The following TBATA variants were observed in gnomAD, a reference collection of about 807,000 sequenced individuals.
The protein encoded by TBATA is protein TBATA.
In TBATA, 47 loss-of-function variants were observed where a neutral mutation model predicts 38.7. The ratio of observed to expected loss-of-function variants is 1.21; its 90% CI spans 0.96 to 1.55. The LOEUF (loss-of-function observed/expected upper bound fraction) is 1.55, where lower values mean the gene tolerates loss of function less well. Ranked by LOEUF, TBATA falls within the 40% of genes most tolerant of loss-of-function variation. The probability of loss-of-function intolerance (pLI) is 0.00; values close to 1 mark genes in which losing one functional copy is unlikely to be tolerated. For missense variants in TBATA, 436 were observed against 435.6 expected (o/e 1.00, Z -0.01); for synonymous variants, 183 against 170.5 (o/e 1.07, Z -0.57).
At position 70,778,604 on chromosome 10, in the gene TBATA, A is replaced by C; in HGVS notation, c.460T>G (p.Ser154Ala). The change falls in exon 6 of 11, where the codon TCC (serine) becomes GCC (alanine). Residue 154 changes from serine (S) to alanine (A), a missense_variant. Ser to Ala is a moderately conservative substitution (Grantham distance 99). Coordinates refer to ENST00000456372, the MANE Select transcript of TBATA (RefSeq NM_001318241.2). The part of the protein sequence containing the change: ...AWKKELKELA[S>A]RVAFLTKEDE... Reference sequence around the variant, plus strand: ...TCCTTGGTGAGGAAGGCCACCCGGGAAGCTAGCTCCTTCAACTCCTTCTTC... The same window carrying C: ...TCCTTGGTGAGGAAGGCCACCCGGGCAGCTAGCTCCTTCAACTCCTTCTTC... The C allele has an allele frequency of 1.2e-6, 2 of 1,614,152 alleles. No individual in the cohort carries two copies. Among genetic ancestry groups the C allele is most frequent in the Non-Finnish European group, 1.7e-6 (2 of 1,180,026 alleles).
intron 7 of TBATA, chr10:70,776,432 A>G: frequency 2.2e-6 from 1 of 456,204 alleles, no homozygotes; most frequent in Non-Finnish European, 4.4e-6. Flanking sequence ...GCTCCGTCTC[A>G]GGGGACCTGG....
intron 2 of TBATA, among the ~76,000 whole-genome samples, chr10:70,783,777 T>G (rs759499658): frequency 6.6e-6 from 1 of 152,202 alleles, no homozygotes; most frequent in Non-Finnish European, 1.5e-5. Context: ...TGAAAATAAA[T>G]GAGCCACAGC....
At chr10:70,782,321 T>A in intron 3 of TBATA, 1 of 1,451,024 alleles carries the variant, frequency 6.9e-7, no homozygotes, top group South Asian at 1.2e-5. Flanking sequence ...AGAGACCATA[T>A]CTGAAACCAG....
rs770745356 is a variant in TBATA at position 70,771,446 on chromosome 10, G to C, written c.989C>G (p.Ala330Gly). ...KSEKPEYIGE[A>G]QVLQMHSSQN... ...GCTTGAATGCATCTGGAGGACTTGA[G>C]CTTCTCCAATGTACTCTAGTGGGAG... The change falls in exon 11 of 11, where the codon GCT (alanine) becomes GGT (glycine). Residue 330 changes from alanine to glycine, a missense_variant. Ala to Gly is a moderately conservative substitution (Grantham distance 60). Transcript: ENST00000456372. The C allele has an allele frequency of 1.2e-6, 2 of 1,614,062 alleles. No individual in the cohort carries two copies. Among genetic ancestry groups the C allele is most frequent in the African/African-American group, 1.3e-5 (1 of 75,040 alleles).
At chr10:70,774,041 G>A (rs1843072097) in intron 9 of TBATA, 172 bp downstream of exon 9, 1 of 451,642 alleles carries the variant, frequency 2.2e-6, no homozygotes, top group African/African-American at 2.1e-5. Context: ...TGGCCTTGAA[G>A]TGGCTTGGGT....
intron 4 of TBATA, 49 bp downstream of exon 4, chr10:70,781,752 C>T (rs1186391061): frequency 2.0e-5 from 31 of 1,535,836 alleles, no homozygotes; most frequent in Non-Finnish European, 2.8e-5. Flanking sequence ...GTTCTCAAGA[C>T]CAATTAGTGA....
intron 9 of TBATA, among the ~76,000 whole-genome samples, chr10:70,772,950 C>G (rs182898230): frequency 2.0e-5 from 3 of 152,198 alleles, no homozygotes; most frequent in Admixed American, 2.0e-4. Context: ...AAGAACCCTG[C>G]GTCTTGAATG....
chr10:70,772,486 C>G, intron 10 of TBATA, 28 bp downstream of exon 10: 5 of 1,612,906 alleles, frequency 3.1e-6, no homozygotes, highest in Non-Finnish European at 4.2e-6. Context: ...GGTGAGTCCC[C>G]CAAATGACCC....
rs1844745353 is a variant in TBATA, at chr10:70,785,334, C to G, written c.-323G>C. 6.6e-6 allele frequency: 1 copy of G among 152,420 alleles called. No individual in the cohort carries two copies. Among genetic ancestry groups the G allele is most frequent in the African/African-American group, 2.4e-5 (1 of 41,446 alleles). The allele number at this position is 152,420 out of a possible 1,614,324, so 9.4% of individuals were successfully genotyped here. ...TGTACGAGAAGCCCTGCTGTCCTAG[C>G]AGGAAGGAGCAAGAGGACAAATCGA... is the stretch of plus-strand genomic sequence containing the variant. On this transcript the variant is annotated 5_prime_UTR_variant, in exon 1 of 11. Transcript: ENST00000456372.
chr10:70,782,724 T>C (rs1438407934), intron 3 of TBATA: 1 of 840,218 alleles, frequency 1.2e-6, no homozygotes, highest in African/African-American at 1.8e-5. Context: ...CTCCCCTTCC[T>C]GAGGACGCTA....
In TBATA at chr10:70,771,262, G is replaced by A. The variant is rs1273126967; in HGVS notation, c.*114C>T. 1.2e-6 allele frequency: 2 copies of A among 1,604,480 alleles called. No individual in the cohort carries two copies. Among genetic ancestry groups the A allele is most frequent in the Non-Finnish European group, 1.7e-6 (2 of 1,174,062 alleles). ...CTCTCAGGGAAGACGGTTTTATTTA[G>A]TAAGAGTTTTCACGGTAGGGAATCA... On this transcript the variant is annotated 3_prime_UTR_variant, in exon 11 of 11. Transcript: ENST00000456372.
At position 70,779,769 on chromosome 10, in the gene TBATA, G is replaced by T. The variant is rs188364603; in HGVS notation, c.278-27C>A. On this transcript the variant is annotated intron_variant, in intron 4 of 10. Coordinates refer to ENST00000456372, the MANE Select transcript of TBATA (RefSeq NM_001318241.2). ...TGCAAAGGGTTAGAGGCTGTGGGAAGGGAGGCTTAGGTGGACCTTAAGAGC... is the reference window on the plus strand; with the variant it reads ...TGCAAAGGGTTAGAGGCTGTGGGAATGGAGGCTTAGGTGGACCTTAAGAGC... The T allele has an allele frequency of 2.9e-4, 437 of 1,518,200 alleles. 1 individual carries two copies. In the African/African-American group the frequency reaches 5.4e-3, roughly 19 times the overall value. The allele number at this position is 1,518,200 out of a possible 1,614,324, so 94.0% of individuals were successfully genotyped here.
At chr10:70,774,147 G>C (rs2132827112) in intron 9 of TBATA, 66 bp downstream of exon 9, 1 of 1,588,640 alleles carries the variant, frequency 6.3e-7, no homozygotes, top group South Asian at 1.1e-5. Context: ...CCCTTCTCCA[G>C]GTCCCACTGG....
rs1564596142 is a variant in TBATA at position 70,781,824 on chromosome 10, G to C, written c.254C>G (p.Pro85Arg). 6.2e-7 allele frequency: 1 copy of C among 1,613,954 alleles called. No homozygotes were observed. Among genetic ancestry groups the C allele is most frequent in the Non-Finnish European group, 8.5e-7 (1 of 1,179,910 alleles). Residue 85 changes from proline to arginine, a missense_variant, in exon 4 of 11, where the codon CCC (proline) becomes CGC (arginine). Transcript: ENST00000456372. Reference sequence around the variant, plus strand: ...ACCTTGGATGTGGGTCACGTGCTGGGGGTGTGGGTGGTGCCGGGAGAAGAA... The same window carrying C: ...ACCTTGGATGTGGGTCACGTGCTGGCGGTGTGGGTGGTGCCGGGAGAAGAA... ...HSFFSRHHPHPQHVTHIQDLT... is the reference protein window; with the variant it reads ...HSFFSRHHPHRQHVTHIQDLT...
At chr10:70,781,359 G>T (rs971007288) in intron 4 of TBATA, among the ~76,000 whole-genome samples, 1 of 152,224 alleles carries the variant, frequency 6.6e-6, no homozygotes, top group Non-Finnish European at 1.5e-5. Flanking sequence ...CCCCACTGGA[G>T]GTCAGCTCCA....
At chr10:70,772,411 C>T (rs1842881238) in intron 10 of TBATA, 103 bp downstream of exon 10, 1 of 1,070,452 alleles carries the variant, frequency 9.3e-7, no homozygotes, top group East Asian at 2.4e-5. Context: ...GAGCAGCATC[C>T]TTGGGCAGGG....
Position 70,779,723 on chromosome 10 carries a change from G to A in TBATA, c.297C>T (p.Val99=), listed in dbSNP as rs949721118. 70 of 1,536,634 alleles carry A rather than the reference G, an allele frequency of 4.6e-5. No homozygotes were observed. The highest frequency in any genetic ancestry group is 7.0e-5 in the Admixed American group (3 of 42,876). The change falls in exon 5 of 11, where the codon GTC becomes GTT. Residue 99 remains valine (V), a synonymous_variant. Transcript: ENST00000456372. ...THIQDLTGKP[V]CVVRDFPAPL... ...GGGCTGGAAAATCCCTGACGACACA[G>A]ACAGGCTTCCCGGTGAGATCTGCAA...
In TBATA at chr10:70,777,302, C is replaced by A. The variant is rs1373806540; in HGVS notation, c.544G>T (p.Gly182Trp). 1.2e-6 allele frequency: 2 copies of A among 1,613,708 alleles called. No homozygotes were observed. Among genetic ancestry groups the A allele is most frequent in the Non-Finnish European group, 1.7e-6 (2 of 1,179,904 alleles). ...EQKEEPLREQ[G>W]AKYSAETGRL... Reference sequence around the variant, plus strand: ...CCAGTCTCTGCTGAGTACTTTGCCCCCTGCTCCCGCAGAGGCTCCTCCTTC... The same window carrying A: ...CCAGTCTCTGCTGAGTACTTTGCCCACTGCTCCCGCAGAGGCTCCTCCTTC... Residue 182 changes from glycine (G) to tryptophan (W), a missense_variant, in exon 7 of 11, where the codon GGG (glycine) becomes TGG (tryptophan). Physicochemically the swap from Gly to Trp is radical, Grantham distance 184. Transcript: ENST00000456372.
intron 10 of TBATA, among the ~76,000 whole-genome samples, chr10:70,771,870 T>C (rs1380307424): frequency 6.6e-6 from 1 of 152,158 alleles, no homozygotes; most frequent in Non-Finnish European, 1.5e-5. Context: ...TCACCCATTC[T>C]TGTCCCCCAT....
Sources: allele counts gnomAD v4.1 joint callset (sites outside exome capture counted in the v4.1 genomes callset), GRCh38; gene constraint gnomAD v4.1.1; transcripts MANE v1.5; gene names NCBI Gene and HGNC (gene_info 2026-07-23, HGNC 2026-07-21).